The following POLA1 variants were observed in gnomAD, a reference collection of about 807,000 sequenced individuals.
POLA1 encodes the protein DNA polymerase alpha 1, catalytic subunit.
POLA1 carries 15 observed loss-of-function variants against 124.0 expected under a neutral mutation model. That is an observed-to-expected ratio of 0.12 (90% CI 0.08 to 0.19). The LOEUF is 0.19. POLA1 is among the 10% of genes least tolerant of loss of function. The probability of loss-of-function intolerance (pLI) is 1.00; values close to 1 mark genes in which losing one functional copy is unlikely to be tolerated. For synonymous variants in POLA1, 408 were observed against 389.4 expected (o/e 1.05, Z -0.56); for missense variants, 886 against 1,103.4 (o/e 0.80, Z 2.79).
chrX:24,930,482 G>A lies in POLA1; in HGVS notation c.4194G>A (p.Leu1398=), dbSNP rs2047759850. ...CTGACAAGTCCCTGTACACCCAGCT[G>A]TGCTTTTACCGGTACATTTTTGATG... is the stretch of plus-strand genomic sequence containing the variant. ...EYSDKSLYTQ[L]CFYRYIFDAE... Residue 1398 remains leucine, a synonymous_variant, in exon 36 of 37, where the codon CTG becomes CTA. Coordinates refer to ENST00000379068, the MANE Select transcript of POLA1 (RefSeq NM_001330360.2). 2 of 1,194,084 alleles carry A rather than the reference G, an allele frequency of 1.7e-6. No individual in the cohort carries two copies. The highest frequency in any genetic ancestry group is 4.4e-5 in the Admixed American group (2 of 45,854).
intron 34 of POLA1, among the ~76,000 whole-genome samples, chrX:24,876,923 A>G (rs984531743): frequency 8.9e-6 from 1 of 112,112 alleles, no homozygotes; most frequent in Non-Finnish European, 1.9e-5. Context: ...GAAAATAACA[A>G]TGTAGCACAA....
intron 35 of POLA1, among the ~76,000 whole-genome samples, chrX:24,922,609 C>T (rs1473180226): frequency 9.0e-6 from 1 of 110,861 alleles, no homozygotes; most frequent in Non-Finnish European, 1.9e-5. Flanking sequence ...TGAAGAAGCC[C>T]CTGAGGCCCA....
At chrX:24,888,692 A>T (rs2047101009) in intron 35 of POLA1, among the ~76,000 whole-genome samples, 1 of 91,075 alleles carries the variant, frequency 1.1e-5, no homozygotes, top group Non-Finnish European at 2.1e-5. Flanking sequence ...CTGCAACCTC[A>T]GCCTACCGAG....
At chrX:24,914,661 A>T (rs999510493) in intron 35 of POLA1, among the ~76,000 whole-genome samples, 2 of 112,129 alleles carry the variant, frequency 1.8e-5, no homozygotes, top group African/African-American at 6.5e-5. Context: ...AGCATTTTGA[A>T]TAGGAAAATC....
rs191064025 is a variant in POLA1, at chrX:24,964,000, T to G, written c.4262-31805T>G. 1.9e-3 allele frequency among the ~76,000 whole-genome samples: 209 copies of G among 111,879 alleles called. 1 individual carries two copies. The highest frequency in any genetic ancestry group is 6.4e-3 in the African/African-American group (197 of 30,833). ...CCCTAGGTGCTAATTGAGTCAAGTT[T>G]GTTCTGCATTATGATCTAATGCAGG... On this transcript the variant is annotated intron_variant, in intron 36 of 36. Transcript: ENST00000379068.
At chrX:24,716,579 C>T (rs1232537036) in intron 7 of POLA1, 125 bp downstream of exon 7, 1 of 449,019 alleles carries the variant, frequency 2.2e-6, no homozygotes, top group East Asian at 3.8e-5. Flanking sequence ...ATTAGGACTC[C>T]CATTCAATTT....
At chrX:24,856,936 T>C (rs2046653302) in intron 34 of POLA1, among the ~76,000 whole-genome samples, 2 of 111,273 alleles carry the variant, frequency 1.8e-5, no homozygotes, top group Admixed American at 1.9e-4. Context: ...TGTCCCAGTC[T>C]GTAGCTTGTC....
chrX:24,989,874 A>C lies in POLA1; in HGVS notation c.4262-5931A>C, dbSNP rs182203654. 5.5e-3 allele frequency among the ~76,000 whole-genome samples: 610 copies of C among 111,653 alleles called. 18 individuals carry two copies. Among genetic ancestry groups the C allele is most frequent in the Admixed American group, 0.052 (546 of 10,501 alleles). On this transcript the variant is annotated intron_variant, in intron 36 of 36. Coordinates refer to ENST00000379068, the MANE Select transcript of POLA1 (RefSeq NM_001330360.2). ...GGTTGGAAACTGTTTGTTGAAGGTC[A>C]ACATTTTGTTGCTGCTTTTTCTGCT...
intron 16 of POLA1, among the ~76,000 whole-genome samples, chrX:24,733,063 A>G (rs1320566781): frequency 8.9e-6 from 1 of 112,223 alleles, no homozygotes. Flanking sequence ...GAATAATACC[A>G]TTGACCTATT....
intron 10 of POLA1, among the ~76,000 whole-genome samples, chrX:24,718,711 G>GCA (rs199789364): frequency 1.0e-5 from 1 of 100,380 alleles, no homozygotes; most frequent in Admixed American, 9.7e-5. Context: ...GTGTGCGTGT[G>GCA]CACACACACG....
At chrX:24,697,897 GT>G (rs1222633395) in intron 1 of POLA1, among the ~76,000 whole-genome samples, 2 of 110,203 alleles carry the variant, frequency 1.8e-5, no homozygotes, top group African/African-American at 6.6e-5. Context: ...GCTTGACTTA[GT>G]TTTTCATCAG....
intron 34 of POLA1, among the ~76,000 whole-genome samples, chrX:24,843,995 G>A (rs1295954361): frequency 9.0e-6 from 1 of 111,188 alleles, no homozygotes; most frequent in East Asian, 2.8e-4. Flanking sequence ...CTAATTAAAT[G>A]ATTGCTTAGA....
At chrX:24,817,768 ATT>A (rs2046018167) in intron 30 of POLA1, among the ~76,000 whole-genome samples, 1 of 110,858 alleles carries the variant, frequency 9.0e-6, no homozygotes, top group Non-Finnish European at 1.9e-5. Flanking sequence ...ACAGTAAGCT[ATT>A]CATTTGTTAA....
At position 24,716,022 on chromosome X, in the gene POLA1, T is replaced by TAAA. The variant is rs761808306; in HGVS notation, c.526-339_526-337dup. Reference sequence around the variant, plus strand: ...CTCTCATTTAGAAGTGTACTTCTTTTAAAGTGACCATTGATTAAAATGACT... The same window carrying TAAA: ...CTCTCATTTAGAAGTGTACTTCTTTTAAAAAAGTGACCATTGATTAAAATGACT... On this transcript the variant is annotated intron_variant, in intron 6 of 36. Coordinates refer to ENST00000379068, the MANE Select transcript of POLA1 (RefSeq NM_001330360.2). Among the ~76,000 whole-genome samples the TAAA allele has an allele frequency of 2.7e-3, 300 of 111,748 alleles. 2 individuals are homozygous for TAAA. The highest frequency in any genetic ancestry group is 4.8e-3 in the Admixed American group (50 of 10,500).
intron 26 of POLA1, chrX:24,789,036 G>A (rs746338038): frequency 8.3e-7 from 1 of 1,209,922 alleles, no homozygotes; most frequent in East Asian, 3.0e-5. Flanking sequence ...AGCACCTGGA[G>A]GCCGGCGGGG....
At chrX:24,730,664 C>T (rs1276361865) in intron 15 of POLA1, among the ~76,000 whole-genome samples, 1 of 112,371 alleles carries the variant, frequency 8.9e-6, no homozygotes. Flanking sequence ...GTATTAAAAT[C>T]TACTGAAGAT....
chrX:24,870,873 G>C (rs1417638930), intron 34 of POLA1, among the ~76,000 whole-genome samples: 2 of 111,750 alleles, frequency 1.8e-5, no homozygotes, highest in Non-Finnish European at 3.8e-5. Context: ...TGAATCTAAA[G>C]AACTTTTCTT....
chrX:24,910,032 CTGTT>C (rs1420703974), intron 35 of POLA1, among the ~76,000 whole-genome samples: 2 of 110,196 alleles, frequency 1.8e-5, no homozygotes, highest in South Asian at 4.0e-4. Context: ...ATTTGGCTCT[CTGTT>C]TGTCTGTTAT....
chrX:24,790,969 A>G (rs1314669926), intron 26 of POLA1, among the ~76,000 whole-genome samples: 2 of 104,311 alleles, frequency 1.9e-5, no homozygotes, highest in Non-Finnish European at 3.9e-5. Flanking sequence ...AGAACTTGCA[A>G]TTGTTAAGCT....
Sources: allele counts gnomAD v4.1 joint callset (sites outside exome capture counted in the v4.1 genomes callset), GRCh38; gene constraint gnomAD v4.1.1; transcripts MANE v1.5; gene names NCBI Gene and HGNC (gene_info 2026-07-23, HGNC 2026-07-21).